The following DPP6 variants were observed in gnomAD, a reference collection of about 807,000 sequenced individuals.
The protein encoded by DPP6 is A-type potassium channel modulatory protein DPP6.
Under a neutral mutation model 122.6 loss-of-function variants are expected in DPP6, and 69 were observed. That is an observed-to-expected ratio of 0.56 (90% CI 0.46 to 0.69). DPP6 has a LOEUF of 0.69. Among genes scored for constraint, DPP6 ranks in the 30% least tolerant of loss-of-function variants. The pLI, the probability that DPP6 is intolerant of heterozygous loss-of-function variation, is 0.00. For missense variants in DPP6, 928 were observed against 1,116.9 expected (o/e 0.83, Z 2.41); for synonymous variants, 418 against 433.1 (o/e 0.97, Z 0.43).
chr7:154,433,507 G>A (rs1218514084), intron 1 of DPP6, among the ~76,000 whole-genome samples: 4 of 151,864 alleles, frequency 2.6e-5, no homozygotes, highest in Non-Finnish European at 4.4e-5. Context: ...TGGGCACATT[G>A]TGAAACACAA....
chr7:154,216,850 T>C (rs1800029918), intron 1 of DPP6, among the ~76,000 whole-genome samples: 1 of 110,488 alleles, frequency 9.1e-6, no homozygotes, highest in African/African-American at 3.2e-5. Flanking sequence ...TTTTTTTTTT[T>C]CAAATTATAA....
chr7:154,097,490 C>T lies in DPP6; in HGVS notation c.243+44427C>T, dbSNP rs1377230977. Reference sequence around the variant, plus strand: ...TGGACATGCTCAGTAAACTTGAGAACGTAAAACAGATGATCGAATTCCTCT... The same window carrying T: ...TGGACATGCTCAGTAAACTTGAGAATGTAAAACAGATGATCGAATTCCTCT... On this transcript the variant is annotated intron_variant, in intron 1 of 25. Transcript: ENST00000377770. 2.6e-5 allele frequency among the ~76,000 whole-genome samples: 4 copies of T among 152,282 alleles called. No individual in the cohort carries two copies. In the East Asian group the frequency reaches 7.7e-4, roughly 29 times the overall value.
intron 1 of DPP6, among the ~76,000 whole-genome samples, chr7:154,114,692 A>G (rs1389227380): frequency 2.0e-5 from 3 of 152,036 alleles, no homozygotes; most frequent in Admixed American, 2.0e-4. Flanking sequence ...TGGGAGCTGC[A>G]CTCTCCATAC....
At chr7:154,156,637 T>C (rs1348465128) in intron 1 of DPP6, among the ~76,000 whole-genome samples, 1 of 152,216 alleles carries the variant, frequency 6.6e-6, no homozygotes, top group Non-Finnish European at 1.5e-5. Context: ...CAAACACATA[T>C]AATTGCTTAA....
rs994674081 is a variant in DPP6, at chr7:154,876,336, T to G, written c.2078+236T>G. The G allele has an allele frequency of 1.6e-5, 11 of 693,914 alleles. No homozygotes were observed. The African/African-American group carries it at 1.9e-4, about 12-fold the overall frequency. The allele number at this position is 693,914 out of a possible 1,614,324, so 43.0% of individuals were successfully genotyped here. On this transcript the variant is annotated intron_variant, in intron 20 of 25. Transcript: ENST00000377770. Reference sequence around the variant, plus strand: ...CTGCAGGGTAGATTGTTGAGTTGACTAAAACAAGGGGATAGAAATTGCCGG... The same window carrying G: ...CTGCAGGGTAGATTGTTGAGTTGACGAAAACAAGGGGATAGAAATTGCCGG...
At chr7:154,344,894 A>C (rs1279606492) in intron 1 of DPP6, among the ~76,000 whole-genome samples, 3 of 152,146 alleles carry the variant, frequency 2.0e-5, no homozygotes, top group Admixed American at 2.0e-4. Context: ...TCTCAACAAA[A>C]AATAAAAGAT....
chr7:154,495,293 G>A (rs918597890), intron 3 of DPP6, among the ~76,000 whole-genome samples: 4 of 152,124 alleles, frequency 2.6e-5, no homozygotes, highest in Non-Finnish European at 5.9e-5. Flanking sequence ...TCTGAGTGAT[G>A]AGAGCTTTTT....
chr7:154,205,342 C>T (rs1345090168), intron 1 of DPP6, among the ~76,000 whole-genome samples: 1 of 152,168 alleles, frequency 6.6e-6, no homozygotes, highest in Non-Finnish European at 1.5e-5. Flanking sequence ...CCACTCCCTC[C>T]AAGCCCTACC....
intron 10 of DPP6, among the ~76,000 whole-genome samples, chr7:154,788,007 T>C (rs200966820): frequency 1.3e-5 from 2 of 152,244 alleles, no homozygotes; most frequent in East Asian, 1.9e-4. Flanking sequence ...TCACTTAATT[T>C]GAATTTATCA....
chr7:154,623,657 A>ACACGCACCCACGCGCGCGCG (rs1834877373), intron 5 of DPP6, among the ~76,000 whole-genome samples: 1 of 39,284 alleles, frequency 2.5e-5, no homozygotes, highest in African/African-American at 9.4e-5. Context: ...ACACACGCGC[A>ACACGCACCCACGCGCGCGCG]CACACACGCA....
At chr7:154,625,101 GC>G (rs1454174712) in intron 5 of DPP6, among the ~76,000 whole-genome samples, 3 of 152,208 alleles carry the variant, frequency 2.0e-5, no homozygotes, top group African/African-American at 7.2e-5. Context: ...CAGAAACTGA[GC>G]AGGTAATCAT....
intron 21 of DPP6, chr7:154,884,667 AC>A (rs1176835736): frequency 2.6e-5 from 4 of 151,814 alleles, no homozygotes; most frequent in Middle Eastern, 3.1e-3. Flanking sequence ...GCTCACACAC[AC>A]ACATGCTCAC....
At chr7:154,638,049 CAG>C (rs1491254280) in intron 6 of DPP6, among the ~76,000 whole-genome samples, 176 bp downstream of exon 6, 1 of 152,156 alleles carries the variant, frequency 6.6e-6, no homozygotes, top group Admixed American at 6.5e-5. Context: ...CTAAGGATGT[CAG>C]GGGGTCACTT....
intron 6 of DPP6, among the ~76,000 whole-genome samples, chr7:154,648,642 G>A (rs1031859367): frequency 3.9e-5 from 6 of 152,086 alleles, no homozygotes; most frequent in Non-Finnish European, 7.4e-5. Flanking sequence ...GCTTTCGGCC[G>A]GGCGTGGTGG....
intron 1 of DPP6, among the ~76,000 whole-genome samples, chr7:154,428,093 A>G (rs1818059771): frequency 6.6e-6 from 1 of 152,214 alleles, no homozygotes; most frequent in Non-Finnish European, 1.5e-5. Flanking sequence ...CTGAATAAGA[A>G]AACAGTGATC....
intron 1 of DPP6, among the ~76,000 whole-genome samples, chr7:153,965,664 C>T (rs1479817409): frequency 1.3e-5 from 2 of 152,090 alleles, no homozygotes; most frequent in African/African-American, 2.4e-5. Context: ...AGGCGCCCAC[C>T]ACCACGCCTG....
chr7:154,073,876 C>T (rs1307786321), intron 1 of DPP6, among the ~76,000 whole-genome samples: 1 of 152,164 alleles, frequency 6.6e-6, no homozygotes, highest in Non-Finnish European at 1.5e-5. Context: ...ATCCCAGCTA[C>T]TCGGGAGGCT....
chr7:154,072,051 A>C (rs2150510379), intron 1 of DPP6, among the ~76,000 whole-genome samples: 1 of 152,352 alleles, frequency 6.6e-6, no homozygotes, highest in Non-Finnish European at 1.5e-5. Flanking sequence ...TGTGGACACC[A>C]GAGGGCAGAG....
intron 1 of DPP6, among the ~76,000 whole-genome samples, chr7:154,440,462 G>A (rs1264609691): frequency 6.6e-6 from 1 of 152,154 alleles, no homozygotes; most frequent in Non-Finnish European, 1.5e-5. Flanking sequence ...TGCTTTATTG[G>A]ACGATGAGTT....
Sources: allele counts gnomAD v4.1 joint callset (sites outside exome capture counted in the v4.1 genomes callset), GRCh38; gene constraint gnomAD v4.1.1; transcripts MANE v1.5; gene names NCBI Gene and HGNC (gene_info 2026-07-23, HGNC 2026-07-21).